The following TMEM82 variants were observed in gnomAD, a reference collection of about 807,000 sequenced individuals.
TMEM82 encodes transmembrane protein 82.
In TMEM82, 30 loss-of-function variants were observed where a neutral mutation model predicts 29.2. The ratio of observed to expected loss-of-function variants is 1.03; its 90% CI spans 0.77 to 1.39. The LOEUF (loss-of-function observed/expected upper bound fraction) is 1.39. TMEM82 is among the 40% of genes most tolerant of loss of function. The pLI is 0.00. For synonymous variants in TMEM82, 221 were observed against 225.4 expected, an observed-to-expected ratio of 0.98 and a Z score of 0.18; for missense variants, 442 against 447.7, an observed-to-expected ratio of 0.99 and a Z score of 0.12.
rs1557673787 is a variant in TMEM82 at position 15,747,543 on chromosome 1, C to T, written c.946-3C>T. On this transcript the variant is annotated splice_region_variant and splice_polypyrimidine_tract_variant and intron_variant, in intron 5 of 5. Coordinates refer to ENST00000375782, the MANE Select transcript of TMEM82 (RefSeq NM_001013641.3). ...TGGTGTCATTCTCAACGCTTTTCCT[C>T]AGGATTTTCCATCCCAGAGGCCTCC... is the stretch of plus-strand genomic sequence containing the variant. 9 of 1,613,840 alleles carry T rather than the reference C, an allele frequency of 5.6e-6. No individual in the cohort carries two copies. The highest frequency in any genetic ancestry group is 7.6e-6 in the Non-Finnish European group (9 of 1,179,786).
rs755455298 is a variant in TMEM82 at position 15,746,901 on chromosome 1, G to C, written c.792G>C (p.Gln264His). ...EQRQHPGLQS[Q>H]VQTVLVRMGG... ...GGCAGCACCCCGGCCTGCAGAGCCA[G>C]GTGCAGACGGTGCTGGTGCGCATGG... Residue 264 changes from glutamine to histidine, a missense_variant, in exon 5 of 6, where the codon CAG becomes CAC. Coordinates refer to ENST00000375782, the MANE Select transcript of TMEM82 (RefSeq NM_001013641.3). The C allele has an allele frequency of 6.2e-7, 1 of 1,602,694 alleles. No homozygotes were observed. Among genetic ancestry groups the C allele is most frequent in the Non-Finnish European group, 8.5e-7 (1 of 1,178,620 alleles).
chr1:15,743,284 A>G, intron 3 of TMEM82, 90 bp downstream of exon 3: 1 of 1,388,094 alleles, frequency 7.2e-7, no homozygotes. Context: ...GCCCAGGTCC[A>G]GCATCCCAGC....
chr1:15,742,742 T>C, intron 1 of TMEM82, 93 bp from the exon 2 acceptor site: 1 of 1,458,194 alleles, frequency 6.9e-7, no homozygotes, highest in Non-Finnish European at 9.4e-7. Flanking sequence ...CCGACACCCC[T>C]GCCCCTTGGC....
rs1458458138 is a variant in TMEM82 at position 15,744,894 on chromosome 1, G to A, written c.757+314G>A. ...GAGAGGGCATGGCCGTGCCAAACAA[G>A]CCACAGGAGTCCAGTGTGGCTGTCA... On this transcript the variant is annotated intron_variant, in intron 4 of 5. Coordinates refer to ENST00000375782, the MANE Select transcript of TMEM82 (RefSeq NM_001013641.3). This position sits in a 1 kb window ranked among gnomAD's most constrained non-coding sequence, Gnocchi z 5.2. 6.6e-6 allele frequency among the ~76,000 whole-genome samples: 1 copy of A among 152,174 alleles called. No homozygotes were observed. Among genetic ancestry groups the A allele is most frequent in the East Asian group, 1.9e-4 (1 of 5,190 alleles).
rs772343427 is a variant in TMEM82 at position 15,743,050 on chromosome 1, G to C, written c.192G>C (p.Arg64=). The C allele has an allele frequency of 1.7e-5, 28 of 1,604,558 alleles. No individual in the cohort carries two copies. Among genetic ancestry groups the C allele is most frequent in the Non-Finnish European group, 2.4e-5 (28 of 1,175,692 alleles). The change falls in exon 3 of 6, where the codon CGG becomes CGC. Residue 64 remains arginine (R), a synonymous_variant. Coordinates refer to ENST00000375782, the MANE Select transcript of TMEM82 (RefSeq NM_001013641.3). ...NDPQRRPEKE[R]LRAQWASLET... is the part of the protein sequence containing the mutation. The stretch of plus-strand genomic sequence containing the variant: ...CGCAGCGGCGACCCGAAAAGGAGCG[G>C]CTTCGGGCCCAGTGGGCCTCCCTGG...
At position 15,743,335 on chromosome 1, in the gene TMEM82, C is replaced by T; in HGVS notation, c.336+141C>T. 3.7e-6 allele frequency: 4 copies of T among 1,094,284 alleles called. No individual in the cohort carries two copies. The South Asian group carries it at 6.6e-5, about 18-fold the overall frequency. 67.8% of individuals were successfully genotyped at this position (1,094,284 alleles called of 1,614,324 possible). ...TCCGTAAGACTGAGAACAGAGGCTG[C>T]AGGTTGCACCTTTGGGTTTGGTTGC... On this transcript the variant is annotated intron_variant, in intron 3 of 5. Coordinates refer to ENST00000375782, the MANE Select transcript of TMEM82 (RefSeq NM_001013641.3).
In TMEM82 at chr1:15,744,594, G is replaced by A. The variant is rs759424222; in HGVS notation, c.757+14G>A. 8.2e-6 allele frequency: 13 copies of A among 1,589,596 alleles called. No individual in the cohort carries two copies. The highest frequency in any genetic ancestry group is 1.0e-5 in the Non-Finnish European group (12 of 1,166,394). On this transcript the variant is annotated intron_variant, in intron 4 of 5. Coordinates refer to ENST00000375782, the MANE Select transcript of TMEM82 (RefSeq NM_001013641.3). The surrounding 1 kb of genome is among the most constrained non-coding windows in gnomAD (Gnocchi z 5.2). Reference sequence around the variant, plus strand: ...TCTACATGCAGGGTGAGCGCTGCGGGGCCTGCTCCATTCAATCCACGCACA... The same window carrying A: ...TCTACATGCAGGGTGAGCGCTGCGGAGCCTGCTCCATTCAATCCACGCACA...
intron 4 of TMEM82, 40 bp from the exon 5 acceptor site, chr1:15,746,827 G>A (rs2068339337): frequency 3.3e-6 from 5 of 1,522,238 alleles, no homozygotes; most frequent in Non-Finnish European, 4.4e-6. Flanking sequence ...TCCAGTCCGG[G>A]GTGTGTGGTC....
chr1:15,742,594 C>G lies in TMEM82; in HGVS notation c.35C>G (p.Pro12Arg), dbSNP rs1451756466. Residue 12 changes from proline (P) to arginine (R), a missense_variant, in exon 1 of 6, where the codon CCC becomes CGC. Pro to Arg is a moderately radical substitution (Grantham distance 103, BLOSUM62 -2). Coordinates refer to ENST00000375782, the MANE Select transcript of TMEM82 (RefSeq NM_001013641.3). The part of the protein sequence containing the change: ...FSLPSLPSWL[P>R]GLPSLEWGSS... ...CTTCCATCCCTCCCCTCCTGGCTCC[C>G]CGGCCTCCCCTCCCTCGAGTGGGGC... 1.9e-6 allele frequency: 3 copies of G among 1,603,852 alleles called. No homozygotes were observed. Among genetic ancestry groups the G allele is most frequent in the Non-Finnish European group, 2.6e-6 (3 of 1,176,062 alleles).
In TMEM82 at chr1:15,743,138, C is replaced by T. The variant is rs1363003075; in HGVS notation, c.280C>T (p.Leu94Phe). 1.2e-6 allele frequency: 2 copies of T among 1,611,672 alleles called. No individual in the cohort carries two copies. The highest frequency in any genetic ancestry group is 1.1e-5 in the South Asian group (1 of 91,068). ...GGTCGTGGGGTCCCGGGTGGCTGCC[C>T]TCGTGGTGCTCGAGTTCTCCCTCCG... ...LTVVGSRVAALVVLEFSLRAV... is the reference protein window; with the variant it reads ...LTVVGSRVAAFVVLEFSLRAV... The change falls in exon 3 of 6, where the codon CTC becomes TTC. Residue 94 changes from leucine (L) to phenylalanine (F), a missense_variant. Coordinates refer to ENST00000375782, the MANE Select transcript of TMEM82 (RefSeq NM_001013641.3).
intron 4 of TMEM82, among the ~76,000 whole-genome samples, chr1:15,745,971 T>A (rs778344540): frequency 6.7e-6 from 1 of 149,626 alleles, no homozygotes; most frequent in Admixed American, 6.7e-5. Context: ...GCAATCCACC[T>A]GCCTCAGCTT....
chr1:15,743,143 G>A lies in TMEM82; in HGVS notation c.285G>A (p.Val95=), dbSNP rs542386715. ...TVVGSRVAAL[V]VLEFSLRAVS... is the part of the protein sequence containing the mutation. ...TGGGGTCCCGGGTGGCTGCCCTCGTGGTGCTCGAGTTCTCCCTCCGGGCCG... is the reference window on the plus strand; with the variant it reads ...TGGGGTCCCGGGTGGCTGCCCTCGTAGTGCTCGAGTTCTCCCTCCGGGCCG... Residue 95 remains valine, a synonymous_variant, in exon 3 of 6, where the codon GTG becomes GTA. Coordinates refer to ENST00000375782, the MANE Select transcript of TMEM82 (RefSeq NM_001013641.3). 9 of 1,611,600 alleles carry A rather than the reference G, an allele frequency of 5.6e-6. No individual in the cohort carries two copies. The highest frequency in any genetic ancestry group is 1.7e-5 in the Admixed American group (1 of 59,992).
In TMEM82 at chr1:15,744,177, C is replaced by T. The variant is rs774909001; in HGVS notation, c.354C>T (p.Ala118=). The T allele has an allele frequency of 1.7e-5, 27 of 1,568,434 alleles. No individual in the cohort carries two copies. The highest frequency in any genetic ancestry group is 2.7e-5 in the African/African-American group (2 of 74,234). The change falls in exon 4 of 6, where the codon GCC becomes GCT. Residue 118 remains alanine, a synonymous_variant. Transcript: ENST00000375782. This position sits in a 1 kb window ranked among gnomAD's most constrained non-coding sequence, Gnocchi z 5.2. The part of the protein sequence containing the change: ...LSLGKGSQGA[A]ERLQLYLLCQ... Reference sequence around the variant, plus strand: ...CCCCGCAGGGCTCCCAGGGTGCCGCCGAGAGGCTGCAGCTCTACCTGCTGT... The same window carrying T: ...CCCCGCAGGGCTCCCAGGGTGCCGCTGAGAGGCTGCAGCTCTACCTGCTGT...
In TMEM82 at chr1:15,742,609, T is replaced by G. The variant is rs140906739; in HGVS notation, c.50T>G (p.Leu17Arg). Reference protein sequence around the residue: ...LPSWLPGLPSLEWGSSLLDSL... With the variant: ...LPSWLPGLPSREWGSSLLDSL... ...TCCTGGCTCCCCGGCCTCCCCTCCCTCGAGTGGGGCTCTAGCCTCCTTGAC... is the reference window on the plus strand; with the variant it reads ...TCCTGGCTCCCCGGCCTCCCCTCCCGCGAGTGGGGCTCTAGCCTCCTTGAC... Residue 17 changes from leucine to arginine, a missense_variant, in exon 1 of 6, where the codon CTC becomes CGC. By Grantham distance (102) the Leu-to-Arg change is moderately radical. Transcript: ENST00000375782. 5.7e-4 allele frequency: 916 copies of G among 1,606,444 alleles called. 2 individuals are homozygous for G. The highest frequency in any genetic ancestry group is 6.5e-4 in the Non-Finnish European group (765 of 1,177,142).
chr1:15,747,539 T>C lies in TMEM82; in HGVS notation c.946-7T>C. 3 of 1,613,552 alleles carry C rather than the reference T, an allele frequency of 1.9e-6. No homozygotes were observed. The East Asian group carries it at 6.7e-5, about 36-fold the overall frequency. On this transcript the variant is annotated splice_region_variant and splice_polypyrimidine_tract_variant and intron_variant, in intron 5 of 5. Transcript: ENST00000375782. Reference sequence around the variant, plus strand: ...TGGGTGGTGTCATTCTCAACGCTTTTCCTCAGGATTTTCCATCCCAGAGGC... The same window carrying C: ...TGGGTGGTGTCATTCTCAACGCTTTCCCTCAGGATTTTCCATCCCAGAGGC...
Position 15,744,259 on chromosome 1 carries a change from GC to G in TMEM82, c.440del (p.Pro147LeufsTer5). On this transcript the variant is annotated frameshift_variant, in exon 4 of 6. Coordinates refer to ENST00000375782, the MANE Select transcript of TMEM82 (RefSeq NM_001013641.3). LOFTEE classifies it high-confidence loss of function. This position sits in a 1 kb window ranked among gnomAD's most constrained non-coding sequence, Gnocchi z 5.2. ...TCGLSFLQEG[A>X]PHRTLNLLLS... ...TGGCCTGAGCTTCCTGCAGGAGGGC[GC>G]CCCTCACCGCACGCTGAACCTGCTG... The G allele has an allele frequency of 1.3e-6, 2 of 1,570,442 alleles. No homozygotes were observed. The highest frequency in any genetic ancestry group is 1.2e-5 in the South Asian group (1 of 86,568).
At position 15,746,946 on chromosome 1, in the gene TMEM82, G is replaced by A; in HGVS notation, c.837G>A (p.Leu279=). ...LVRMGGLFVL[L]LTVGRWLDLL... ...GCATGGGCGGCCTCTTCGTGCTGCTGCTGACTGTGGGTCGCTGGCTGGACC... is the reference window on the plus strand; with the variant it reads ...GCATGGGCGGCCTCTTCGTGCTGCTACTGACTGTGGGTCGCTGGCTGGACC... Residue 279 remains leucine (L), a synonymous_variant, in exon 5 of 6, where the codon CTG becomes CTA. Transcript: ENST00000375782. The A allele has an allele frequency of 6.2e-7, 1 of 1,610,812 alleles. No individual in the cohort carries two copies.
In TMEM82 at chr1:15,746,988, C is replaced by T; in HGVS notation, c.879C>T (p.Val293=). The T allele has an allele frequency of 6.2e-7, 1 of 1,612,348 alleles. No homozygotes were observed. Among genetic ancestry groups the T allele is most frequent in the East Asian group, 2.2e-5 (1 of 44,858 alleles). The change falls in exon 5 of 6, where the codon GTC becomes GTT. Residue 293 remains valine (V), a synonymous_variant. Coordinates refer to ENST00000375782, the MANE Select transcript of TMEM82 (RefSeq NM_001013641.3). ...GGCTGGACCTGCTGGGCATCCTTGT[C>T]TCCCTACTGGGCGAGCTCTGGTGTC... is the stretch of plus-strand genomic sequence containing the variant. ...GRWLDLLGIL[V]SLLGELWCLV...
Position 15,746,974 on chromosome 1 carries a change from C to CA in TMEM82, c.865_866insA (p.Leu289HisfsTer22). The CA allele has an allele frequency of 6.2e-7, 1 of 1,612,050 alleles. No individual in the cohort carries two copies. The highest frequency in any genetic ancestry group is 1.1e-5 in the South Asian group (1 of 91,076). ...GACTGTGGGTCGCTGGCTGGACCTG[C>CA]TGGGCATCCTTGTCTCCCTACTGGG... is the stretch of plus-strand genomic sequence containing the variant. On this transcript the variant is annotated frameshift_variant, in exon 5 of 6. Transcript: ENST00000375782. LOFTEE classifies it high-confidence loss of function.
Sources: gnomAD v4.1 joint callset for allele counts (sites outside exome capture counted in the v4.1 genomes callset) on GRCh38, gnomAD v4.1.1 for gene constraint, Gnocchi (gnomAD v3.1) non-coding constraint, MANE v1.5 for transcripts, NCBI Gene and HGNC (gene_info 2026-07-23, HGNC 2026-07-21) for gene names.